Variants in EPB41L4A observed in about 807,000 individuals in gnomAD.
The protein encoded by EPB41L4A is erythrocyte membrane protein band 4.1 like 4A, also known as band 4.1-like protein 4A.
Under a neutral mutation model 108.6 loss-of-function variants are expected in EPB41L4A, and 100 were observed. The ratio of observed to expected loss-of-function variants is 0.92; its 90% CI spans 0.78 to 1.09. EPB41L4A has a LOEUF of 1.09. EPB41L4A is among the 50% of genes least tolerant of loss of function. The probability of loss-of-function intolerance (pLI) is 0.00; values close to 1 mark genes in which losing one functional copy is unlikely to be tolerated. For synonymous variants in EPB41L4A, 319 were observed against 289.0 expected (o/e 1.10, Z -1.05); for missense variants, 1,030 against 842.7 (o/e 1.22, Z -2.75).
chr5:112,404,107 A>G (rs1761945083), intron 1 of EPB41L4A, among the ~76,000 whole-genome samples: 1 of 152,216 alleles, frequency 6.6e-6, no homozygotes. Context: ...ATTGCTTAGA[A>G]CCTATGTCTA....
At chr5:112,317,293 C>A (rs1755491609) in intron 1 of EPB41L4A, among the ~76,000 whole-genome samples, 1 of 152,130 alleles carries the variant, frequency 6.6e-6, no homozygotes, top group African/African-American at 2.4e-5. Context: ...ATAAAAAGAA[C>A]TATGCTAGAT....
chr5:112,179,999 A>G (rs1761064056), intron 18 of EPB41L4A, among the ~76,000 whole-genome samples: 1 of 152,198 alleles, frequency 6.6e-6, no homozygotes, highest in African/African-American at 2.4e-5. Flanking sequence ...AGTATTTTTA[A>G]AAATCCTTTG....
At chr5:112,275,240 G>C (rs576210362) in intron 4 of EPB41L4A, 86 bp downstream of exon 4, 3 of 1,438,990 alleles carry the variant, frequency 2.1e-6, no homozygotes, top group Non-Finnish European at 2.8e-6. Context: ...ACATCCAAAC[G>C]TTTAGCCCAA....
At chr5:112,206,793 C>T (rs983630560) in intron 13 of EPB41L4A, 2 of 152,190 alleles carry the variant, frequency 1.3e-5, no homozygotes, top group African/African-American at 4.8e-5. Context: ...TTTGGTGGTG[C>T]TTCAAGTACC....
At chr5:112,335,352 G>C (rs540858236) in intron 1 of EPB41L4A, among the ~76,000 whole-genome samples, 9 of 152,148 alleles carry the variant, frequency 5.9e-5, no homozygotes, top group African/African-American at 2.2e-4. Flanking sequence ...CGATTTAACA[G>C]AAAAAAAGTG....
chr5:112,192,399 C>T (rs922503158), intron 17 of EPB41L4A, among the ~76,000 whole-genome samples: 4 of 152,186 alleles, frequency 2.6e-5, no homozygotes, highest in African/African-American at 9.7e-5. Flanking sequence ...TCTTCTACAG[C>T]CATAGGCAAC....
chr5:112,203,869 C>T (rs544718525), intron 15 of EPB41L4A, among the ~76,000 whole-genome samples: 115 of 151,858 alleles, frequency 7.6e-4, no homozygotes, highest in African/African-American at 2.8e-3. Flanking sequence ...TGGAAAAACC[C>T]CTACTAAAAA....
intron 9 of EPB41L4A, among the ~76,000 whole-genome samples, chr5:112,245,893 G>A (rs1300579129): frequency 6.6e-6 from 1 of 152,238 alleles, no homozygotes; most frequent in Non-Finnish European, 1.5e-5. Flanking sequence ...TGGGAAGAGA[G>A]AGTGCAACTC....
chr5:112,379,359 C>T (rs1379690012), intron 1 of EPB41L4A, among the ~76,000 whole-genome samples: 1 of 152,140 alleles, frequency 6.6e-6, no homozygotes, highest in African/African-American at 2.4e-5. Context: ...TATCCCACAA[C>T]AAAGCCTGAG....
intron 2 of EPB41L4A, among the ~76,000 whole-genome samples, chr5:112,301,934 T>C (rs1205111165): frequency 6.6e-6 from 1 of 152,012 alleles, no homozygotes; most frequent in African/African-American, 2.4e-5. Flanking sequence ...AATAACATTT[T>C]AGGGAGAAAG....
chr5:112,182,898 T>A (rs576916109), intron 18 of EPB41L4A, among the ~76,000 whole-genome samples: 54 of 142,804 alleles, frequency 3.8e-4, no homozygotes, highest in African/African-American at 1.4e-3. Context: ...TAAAAAAAAA[T>A]TACAGAGTAA....
intron 1 of EPB41L4A, among the ~76,000 whole-genome samples, chr5:112,316,343 T>C (rs1580671619): frequency 6.6e-6 from 1 of 152,358 alleles, no homozygotes; most frequent in East Asian, 1.9e-4. Context: ...TCACTCTATC[T>C]TTATTTAGTA....
intron 2 of EPB41L4A, among the ~76,000 whole-genome samples, chr5:112,285,508 G>T (rs1047512649): frequency 1.3e-5 from 2 of 152,108 alleles, no homozygotes; most frequent in Non-Finnish European, 2.9e-5. Flanking sequence ...GCTTTAATTT[G>T]CTCCTTCATA....
rs991902361 is a variant in EPB41L4A at position 112,352,706 on chromosome 5, G to A, written c.100-45216C>T. Among the ~76,000 whole-genome samples the A allele has an allele frequency of 3.3e-5, 5 of 152,122 alleles. No homozygotes were observed. In the South Asian group the frequency reaches 1.0e-3, roughly 31 times the overall value. On this transcript the variant is annotated intron_variant, in intron 1 of 22. Coordinates refer to ENST00000261486, the MANE Select transcript of EPB41L4A (RefSeq NM_022140.5). ...TATTATCACAGTTTGGTGGTTTTCT[G>A]TAGTGGTAGCAGCTGTAGTTGTAGT...
At chr5:112,253,832 T>G (rs567525671) in intron 9 of EPB41L4A, among the ~76,000 whole-genome samples, 1 of 152,298 alleles carries the variant, frequency 6.6e-6, no homozygotes, top group East Asian at 1.9e-4. Context: ...TTAAATAAAT[T>G]TTGAGTTGTT....
intron 12 of EPB41L4A, among the ~76,000 whole-genome samples, chr5:112,218,450 G>A (rs1747810950): frequency 6.6e-6 from 1 of 152,132 alleles, no homozygotes; most frequent in Non-Finnish European, 1.5e-5. Flanking sequence ...TACTCCTGGT[G>A]CCCTCTCCTC....
chr5:112,406,708 G>A (rs1048424733), intron 1 of EPB41L4A, among the ~76,000 whole-genome samples: 4 of 151,968 alleles, frequency 2.6e-5, no homozygotes, highest in African/African-American at 4.8e-5. Context: ...CATGATGTTC[G>A]GCAAATTCTG....
intron 2 of EPB41L4A, among the ~76,000 whole-genome samples, chr5:112,302,163 A>G (rs546425555): frequency 1.3e-5 from 2 of 152,252 alleles, no homozygotes; most frequent in East Asian, 3.9e-4. Context: ...TAAAACTTAC[A>G]AAATTTCAAT....
chr5:112,242,529 G>A (rs527568201), intron 9 of EPB41L4A, among the ~76,000 whole-genome samples: 5 of 152,100 alleles, frequency 3.3e-5, no homozygotes, highest in South Asian at 2.1e-4. Context: ...CAAAGTCATC[G>A]TGGGGGTAGA....
Sources: allele counts gnomAD v4.1 joint callset (sites outside exome capture counted in the v4.1 genomes callset), GRCh38; gene constraint gnomAD v4.1.1; transcripts MANE v1.5; gene names NCBI Gene and HGNC (gene_info 2026-07-23, HGNC 2026-07-21).